PMEPA1: variants seen among roughly 807,000 people sequenced by gnomAD.
PMEPA1 encodes prostate transmembrane protein, androgen induced 1.
Under a neutral mutation model 23.0 loss-of-function variants are expected in PMEPA1, and 11 were observed. The ratio of observed to expected loss-of-function variants is 0.48; its 90% CI spans 0.30 to 0.79. The LOEUF (loss-of-function observed/expected upper bound fraction) is 0.79, where lower values mean the gene tolerates loss of function less well. Ranked by LOEUF, PMEPA1 falls within the 30% of genes least tolerant of loss-of-function variation. PMEPA1 has a pLI of 0.06. For synonymous variants in PMEPA1, 204 were observed against 166.4 expected (o/e 1.23, Z -1.74); for missense variants, 377 against 390.9 (o/e 0.96, Z 0.30).
rs535461260 is a variant in PMEPA1 at position 57,692,429 on chromosome 20, G to A, written c.109+17045C>T. Among the ~76,000 whole-genome samples the A allele has an allele frequency of 5.9e-5, 9 of 152,338 alleles. No homozygotes were observed. In the South Asian group the frequency reaches 8.3e-4, roughly 14 times the overall value. Reference sequence around the variant, plus strand: ...GGCTGGTGGCAGGAACTCACAGGGCGGCCCAGACAGGGGAGCGAAGCTCCC... The same window carrying A: ...GGCTGGTGGCAGGAACTCACAGGGCAGCCCAGACAGGGGAGCGAAGCTCCC... On this transcript the variant is annotated intron_variant, in intron 1 of 3. Coordinates refer to ENST00000341744, the MANE Select transcript of PMEPA1 (RefSeq NM_020182.5).
rs1170679872 is a variant in PMEPA1 at position 57,709,839 on chromosome 20, G to A, written c.-257C>T. 6.1e-6 allele frequency: 6 copies of A among 986,086 alleles called. No homozygotes were observed. Among genetic ancestry groups the A allele is most frequent in the Non-Finnish European group, 7.2e-6 (6 of 830,782 alleles). The allele number at this position is 986,086 out of a possible 1,614,324, so 61.1% of individuals were successfully genotyped here. A position where few individuals can be genotyped will look rare whatever the true frequency, so the allele number is the denominator to read the frequency against. On this transcript the variant is annotated 5_prime_UTR_variant, in exon 1 of 4. Transcript: ENST00000341744. ...TCGGCAGTGCCCGCGGGTGGCGTCCGGAAAATGGGCTGGCAGCGGGGCGCG... is the reference window on the plus strand; with the variant it reads ...TCGGCAGTGCCCGCGGGTGGCGTCCAGAAAATGGGCTGGCAGCGGGGCGCG...
chr20:57,701,733 G>C (rs759514734), intron 1 of PMEPA1, among the ~76,000 whole-genome samples: 1 of 152,054 alleles, frequency 6.6e-6, no homozygotes, highest in Non-Finnish European at 1.5e-5. Context: ...CTGGAGACTC[G>C]GGAGGATACC....
chr20:57,709,118 G>T (rs973353601), intron 1 of PMEPA1, among the ~76,000 whole-genome samples: 1 of 151,850 alleles, frequency 6.6e-6, no homozygotes, highest in African/African-American at 2.4e-5. Flanking sequence ...ATAAAGAGCC[G>T]GCCTAAATGC....
intron 1 of PMEPA1, among the ~76,000 whole-genome samples, chr20:57,706,551 G>A (rs1284730748): frequency 6.6e-6 from 1 of 152,082 alleles, no homozygotes; most frequent in East Asian, 1.9e-4. Flanking sequence ...CAGAAAAAAT[G>A]GGGCCCCAGG....
Position 57,701,664 on chromosome 20 carries a change from C to T in PMEPA1, c.109+7810G>A, listed in dbSNP as rs547686042. On this transcript the variant is annotated intron_variant, in intron 1 of 3. Coordinates refer to ENST00000341744, the MANE Select transcript of PMEPA1 (RefSeq NM_020182.5). Reference sequence around the variant, plus strand: ...TGTACCAGAGGTGCTTTTCAGGTAACGGTCCTGACAACCCCATAGAACAGA... The same window carrying T: ...TGTACCAGAGGTGCTTTTCAGGTAATGGTCCTGACAACCCCATAGAACAGA... 1.0e-3 allele frequency among the ~76,000 whole-genome samples: 156 copies of T among 152,272 alleles called. 6 individuals are homozygous for T. The highest frequency in any genetic ancestry group is 9.1e-4 in the Non-Finnish European group (62 of 68,014).
intron 1 of PMEPA1, among the ~76,000 whole-genome samples, chr20:57,708,838 G>T (rs1278324498): frequency 6.6e-6 from 1 of 152,036 alleles, no homozygotes; most frequent in Non-Finnish European, 1.5e-5. Flanking sequence ...AGGCACCCCG[G>T]CCCGGACACG....
intron 2 of PMEPA1, among the ~76,000 whole-genome samples, chr20:57,653,355 G>A (rs1341109751): frequency 6.6e-6 from 1 of 152,080 alleles, no homozygotes. Flanking sequence ...ACCCACTTGT[G>A]GGGCCCCCTT....
rs1331495377 is a variant in PMEPA1, at chr20:57,652,151, G to A, written c.766C>T (p.Leu256=). 2 of 1,601,520 alleles carry A rather than the reference G, an allele frequency of 1.2e-6. No individual in the cohort carries two copies. Among genetic ancestry groups the A allele is most frequent in the Admixed American group, 3.4e-5 (2 of 58,094 alleles). Residue 256 remains leucine (L), a synonymous_variant, in exon 4 of 4, where the codon CTG becomes TTG. Coordinates refer to ENST00000341744, the MANE Select transcript of PMEPA1 (RefSeq NM_020182.5). This position sits in a 1 kb window ranked among gnomAD's most constrained non-coding sequence, Gnocchi z 6.1. ...HQQSSGPPSL[L]EGTRLHHTHI... ...GTGTGGTGGAGCCGGGTCCCCTCCA[G>A]CAAGGAGGGCGGCCCACTGCTCTGC...
At chr20:57,662,466 GC>G (rs1462607209) in intron 1 of PMEPA1, among the ~76,000 whole-genome samples, 3 of 152,184 alleles carry the variant, frequency 2.0e-5, no homozygotes, top group Non-Finnish European at 4.4e-5. Flanking sequence ...CTTCGGCCCT[GC>G]CTGCTGGGAA....
intron 1 of PMEPA1, among the ~76,000 whole-genome samples, chr20:57,692,376 T>C (rs1425069718): frequency 6.6e-6 from 1 of 152,190 alleles, no homozygotes; most frequent in Non-Finnish European, 1.5e-5. Context: ...GGAAGAGTCA[T>C]GGGGGCAGGT....
At chr20:57,665,010 G>A (rs1041796373) in intron 1 of PMEPA1, among the ~76,000 whole-genome samples, 1 of 152,150 alleles carries the variant, frequency 6.6e-6, no homozygotes, top group Non-Finnish European at 1.5e-5. Flanking sequence ...TATGACACCT[G>A]CAGGGGTGGG....
intron 2 of PMEPA1, among the ~76,000 whole-genome samples, chr20:57,654,928 C>T (rs556743071): frequency 2.6e-5 from 4 of 152,108 alleles, no homozygotes; most frequent in African/African-American, 9.6e-5. Flanking sequence ...GAAGTGGGAA[C>T]ATCTCCCTCA....
rs1318197767 is a variant in PMEPA1 at position 57,649,866 on chromosome 20, G to A, written c.*2187C>T. The A allele has an allele frequency of 2.6e-5, 4 of 152,582 alleles. No homozygotes were observed. Among genetic ancestry groups the A allele is most frequent in the Admixed American group, 1.3e-4 (2 of 15,280 alleles). The allele number at this position is 152,582 out of a possible 1,614,324, so 9.5% of individuals were successfully genotyped here. A position where few individuals can be genotyped will look rare whatever the true frequency, so the allele number is the denominator to read the frequency against. ...CCGGGAACGTCCTCACCGAGCGACGGGAGTGTCACTGCTTCTTCAGTAAGG... is the reference window on the plus strand; with the variant it reads ...CCGGGAACGTCCTCACCGAGCGACGAGAGTGTCACTGCTTCTTCAGTAAGG... On this transcript the variant is annotated 3_prime_UTR_variant, in exon 4 of 4. Transcript: ENST00000341744.
intron 1 of PMEPA1, among the ~76,000 whole-genome samples, chr20:57,666,595 G>A (rs1400401289): frequency 6.6e-6 from 1 of 152,188 alleles, no homozygotes; most frequent in East Asian, 1.9e-4. Context: ...ATTGAGCCAA[G>A]GGCTTGTGTT....
rs759510440 is a variant in PMEPA1, at chr20:57,690,418, T to A, written c.109+19056A>T. 20 of 1,303,268 alleles carry A rather than the reference T, an allele frequency of 1.5e-5. No homozygotes were observed. In the South Asian group the frequency reaches 2.5e-4, roughly 16 times the overall value. The allele number at this position is 1,303,268 out of a possible 1,614,324, so 80.7% of individuals were successfully genotyped here. The stretch of plus-strand genomic sequence containing the variant: ...CCTCCATGTGCTGGAATTGCAGGCA[T>A]TTTGACTTTTCGCCTGTCATTTATC... On this transcript the variant is annotated intron_variant, in intron 1 of 3. Transcript: ENST00000341744.
rs1160258473 is a variant in PMEPA1 at position 57,683,840 on chromosome 20, T to G, written c.110-24143A>C. On this transcript the variant is annotated intron_variant, in intron 1 of 3. Transcript: ENST00000341744. This position sits in a 1 kb window ranked among gnomAD's most constrained non-coding sequence, Gnocchi z 4.3. ...CTCCGAAGCACACTGTCCAGCCACCTGCACAAAGTCCATCATAAACCCATG... is the reference window on the plus strand; with the variant it reads ...CTCCGAAGCACACTGTCCAGCCACCGGCACAAAGTCCATCATAAACCCATG... Among the ~76,000 whole-genome samples the G allele has an allele frequency of 2.0e-5, 3 of 151,844 alleles. No individual in the cohort carries two copies. The highest frequency in any genetic ancestry group is 4.4e-5 in the Non-Finnish European group (3 of 68,002).
intron 1 of PMEPA1, among the ~76,000 whole-genome samples, chr20:57,689,899 G>C (rs759263674): frequency 6.6e-6 from 1 of 152,144 alleles, no homozygotes; most frequent in African/African-American, 2.4e-5. Context: ...ACACAGACAC[G>C]GCGCTGCTGG....
intron 1 of PMEPA1, among the ~76,000 whole-genome samples, chr20:57,681,874 C>T (rs6099717): frequency 6.6e-6 from 1 of 152,120 alleles, no homozygotes; most frequent in Non-Finnish European, 1.5e-5. Flanking sequence ...GGTACTCCCC[C>T]CAAGGTCTTC....
chr20:57,657,160 G>C (rs975867575), intron 2 of PMEPA1, among the ~76,000 whole-genome samples: 1 of 152,120 alleles, frequency 6.6e-6, no homozygotes, highest in South Asian at 2.1e-4. Context: ...CTCTGGGTAC[G>C]GTACACTCTC....
Sources: gnomAD v4.1 joint callset for allele counts (sites outside exome capture counted in the v4.1 genomes callset) on GRCh38, gnomAD v4.1.1 for gene constraint, Gnocchi (gnomAD v3.1) non-coding constraint, MANE v1.5 for transcripts, NCBI Gene and HGNC (gene_info 2026-07-23, HGNC 2026-07-21) for gene names.